IL16: variants seen among roughly 807,000 people sequenced by gnomAD.
The protein encoded by IL16 is pro-interleukin-16.
Under a neutral mutation model 110.1 loss-of-function variants are expected in IL16, and 67 were observed. That is an observed-to-expected ratio of 0.61 (90% CI 0.50 to 0.75). The LOEUF is 0.75. IL16 is among the 30% of genes least tolerant of loss of function. The pLI is 0.00. For missense variants in IL16, 1,545 were observed against 1,655.0 expected (o/e 0.93, Z 1.15); for synonymous variants, 689 against 662.9 (o/e 1.04, Z -0.61).
intron 1 of IL16, among the ~76,000 whole-genome samples, chr15:81,205,729 A>C (rs1595945070): frequency 6.6e-6 from 1 of 152,180 alleles, no homozygotes; most frequent in East Asian, 1.9e-4. Flanking sequence ...AAGCCTAAAG[A>C]AACAAACTCT....
chr15:81,200,632 A>C (rs983075403), intron 1 of IL16, among the ~76,000 whole-genome samples: 3 of 152,128 alleles, frequency 2.0e-5, no homozygotes, highest in Non-Finnish European at 2.9e-5. Flanking sequence ...CAACCTCCCA[A>C]AGTGCTGGAA....
At chr15:81,188,024 G>A (rs145224959) in intron 1 of IL16, among the ~76,000 whole-genome samples, 1 of 152,270 alleles carries the variant, frequency 6.6e-6, no homozygotes, top group Non-Finnish European at 1.5e-5. Flanking sequence ...GCACTGTATT[G>A]AGGCTTTGTA....
intron 2 of IL16, among the ~76,000 whole-genome samples, chr15:81,237,900 T>A (rs918544412): frequency 2.0e-5 from 3 of 151,698 alleles, no homozygotes; most frequent in African/African-American, 7.2e-5. Flanking sequence ...TAATTTTATT[T>A]ATTTTATTTA....
intron 1 of IL16, among the ~76,000 whole-genome samples, chr15:81,214,694 G>A (rs886606557): frequency 6.6e-6 from 1 of 151,720 alleles, no homozygotes; most frequent in Non-Finnish European, 1.5e-5. Context: ...AAATTTTTGG[G>A]GACTATATCC....
intron 2 of IL16, among the ~76,000 whole-genome samples, chr15:81,240,863 AC>A (rs1161862260): frequency 6.6e-6 from 1 of 152,034 alleles, no homozygotes; most frequent in African/African-American, 2.4e-5. Flanking sequence ...AAAAATTGTT[AC>A]CATTTCCTAA....
chr15:81,206,795 A>G (rs1001381112), intron 1 of IL16, among the ~76,000 whole-genome samples: 7 of 152,180 alleles, frequency 4.6e-5, no homozygotes, highest in African/African-American at 1.7e-4. Flanking sequence ...AATAACATTT[A>G]GAATATTGTA....
Position 81,300,461 on chromosome 15 carries a change from A to G in IL16, c.3135A>G (p.Thr1045=), listed in dbSNP as rs11073001. The G allele has an allele frequency of 0.21, 342,752 of 1,610,850 alleles. 40,544 individuals are homozygous for G. Among genetic ancestry groups the G allele is most frequent in the African/African-American group, 0.49 (36,793 of 74,860 alleles). ...NGSAETSALD[T]GFSLNLSELR... is the part of the protein sequence containing the mutation. ...CTGCTGAAACATCTGCCTTGGACAC[A>G]GGGTTCTCGCTCAAGTGAGTTTCTA... is the stretch of plus-strand genomic sequence containing the variant. The change falls in exon 14 of 19, where the codon ACA becomes ACG. Residue 1045 remains threonine (T), a synonymous_variant. Coordinates refer to ENST00000683961, the MANE Select transcript of IL16 (RefSeq NM_172217.5).
rs767451919 is a variant in IL16 at position 81,313,215 on chromosome 15, G to A, written c.*4417G>A. 1.0e-5 allele frequency: 15 copies of A among 1,480,714 alleles called. No homozygotes were observed. Among genetic ancestry groups the A allele is most frequent in the Non-Finnish European group, 1.4e-5 (15 of 1,109,142 alleles). 91.7% of individuals were successfully genotyped at this position (1,480,714 alleles called of 1,614,324 possible). A position where few individuals can be genotyped will look rare whatever the true frequency, so the allele number is the denominator to read the frequency against. On this transcript the variant is annotated 3_prime_UTR_variant, in exon 19 of 19. Transcript: ENST00000683961. ...GGTGTCCCAACAGCTGGAGCTCCTC[G>A]ATGAGTCACGGGAGTTCTTTGCCAA...
chr15:81,197,537 C>T (rs7182787), intron 1 of IL16, among the ~76,000 whole-genome samples: 21,373 of 151,946 alleles, frequency 0.14, 2,677 homozygotes, highest in East Asian at 0.41. Flanking sequence ...GGCCACGGGG[C>T]ACCTGATGGG....
upstream of IL16, among the ~76,000 whole-genome samples, chr15:81,193,447 T>C (rs187645539): frequency 6.6e-6 from 1 of 152,116 alleles, no homozygotes; most frequent in Non-Finnish European, 1.5e-5. Flanking sequence ...TGGGAGTTGT[T>C]GGCATGTGCG....
chr15:81,278,811 A>C lies in IL16; in HGVS notation c.791-6A>C. The stretch of plus-strand genomic sequence containing the variant: ...CTTCTTAGCTACACTTTCTCTCTCT[A>C]AACAGGTGATGAAATTCTGGAGCTC... On this transcript the variant is annotated splice_region_variant and splice_polypyrimidine_tract_variant and intron_variant, in intron 6 of 18. Coordinates refer to ENST00000683961, the MANE Select transcript of IL16 (RefSeq NM_172217.5). 1 of 1,596,380 alleles carries C rather than the reference A, an allele frequency of 6.3e-7. No individual in the cohort carries two copies. The highest frequency in any genetic ancestry group is 8.6e-7 in the Non-Finnish European group (1 of 1,163,796).
At chr15:81,226,607 A>T (rs77268393) in intron 2 of IL16, among the ~76,000 whole-genome samples, 140 of 152,330 alleles carry the variant, frequency 9.2e-4, no homozygotes, top group South Asian at 1.9e-3. Context: ...CTTCTTCAGG[A>T]GGGAAATCAC....
At chr15:81,204,754 A>G (rs1434474798) in intron 1 of IL16, among the ~76,000 whole-genome samples, 1 of 128,164 alleles carries the variant, frequency 7.8e-6, no homozygotes, top group Non-Finnish European at 1.5e-5. Flanking sequence ...AAAATTAAAA[A>G]AAAAAAAGAA....
At position 81,297,033 on chromosome 15, in the gene IL16, A is replaced by G. The variant is rs911164935; in HGVS notation, c.2008A>G (p.Lys670Glu). The change falls in exon 13 of 19, where the codon AAG becomes GAG. Residue 670 changes from lysine (K) to glutamate (E), a missense_variant. Lys to Glu is a moderately conservative substitution (Grantham distance 56). This residue lies in a region of IL16 where 1,185 missense variants were observed against 1,238.8 expected (regional missense o/e 0.96). Transcript: ENST00000683961. ...CPGPGIGPQT[K>E]SSTEGEPGWR... is the part of the protein sequence containing the mutation. The stretch of plus-strand genomic sequence containing the variant: ...AGGACCTGGTATCGGCCCACAGACC[A>G]AGTCCTCCACAGAGGGCGAGCCAGG... 4.3e-6 allele frequency: 7 copies of G among 1,613,858 alleles called. No individual in the cohort carries two copies. The highest frequency in any genetic ancestry group is 5.9e-6 in the Non-Finnish European group (7 of 1,179,974).
intron 6 of IL16, among the ~76,000 whole-genome samples, chr15:81,274,087 G>A (rs1898785146): frequency 6.6e-6 from 1 of 152,200 alleles, no homozygotes; most frequent in African/African-American, 2.4e-5. Context: ...TACACCAGAG[G>A]TCTGAAGAGA....
chr15:81,305,874 G>A, intron 16 of IL16, 34 bp from the exon 17 acceptor site: 1 of 1,607,434 alleles, frequency 6.2e-7, no homozygotes, highest in Non-Finnish European at 8.5e-7. Flanking sequence ...GGACTTGTGT[G>A]ATTTCTGGTC....
intron 2 of IL16, among the ~76,000 whole-genome samples, chr15:81,238,681 T>C (rs1188560038): frequency 6.6e-6 from 1 of 152,120 alleles, no homozygotes; most frequent in Non-Finnish European, 1.5e-5. Context: ...GGAAAGATGA[T>C]CTATTATGTT....
At chr15:81,210,334 T>G (rs529204940) in intron 1 of IL16, among the ~76,000 whole-genome samples, 17 of 152,232 alleles carry the variant, frequency 1.1e-4, no homozygotes, top group Non-Finnish European at 2.2e-4. Context: ...AAAATTGCCT[T>G]GGCTATGTGG....
chr15:81,313,001 G>A lies in IL16; in HGVS notation c.*4203G>A, dbSNP rs1182044893. The A allele has an allele frequency of 3.6e-6, 1 of 278,516 alleles. No individual in the cohort carries two copies. Among genetic ancestry groups the A allele is most frequent in the East Asian group, 7.1e-5 (1 of 13,988 alleles). 17.3% of individuals were successfully genotyped at this position (278,516 alleles called of 1,614,324 possible). A position where few individuals can be genotyped will look rare whatever the true frequency, so the allele number is the denominator to read the frequency against. ...TAGAGGCCTGGGTCTACCCTGCCAG[G>A]AGAGGCGTGTTTGGGTAACAGGCAG... is the stretch of plus-strand genomic sequence containing the variant. On this transcript the variant is annotated 3_prime_UTR_variant, in exon 19 of 19. Coordinates refer to ENST00000683961, the MANE Select transcript of IL16 (RefSeq NM_172217.5).
Sources: gnomAD v4.1 joint callset for allele counts (sites outside exome capture counted in the v4.1 genomes callset) on GRCh38, gnomAD v4.1.1 for gene constraint, gnomAD v4.1.1 regional missense constraint, MANE v1.5 for transcripts, NCBI Gene and HGNC (gene_info 2026-07-23, HGNC 2026-07-21) for gene names.